Variants in MYOC observed in about 807,000 individuals in gnomAD.
MYOC encodes myocilin.
In MYOC, 29 loss-of-function variants were observed where a neutral mutation model predicts 28.2. That is an observed-to-expected ratio of 1.03 (90% CI 0.77 to 1.40). The LOEUF (loss-of-function observed/expected upper bound fraction) is 1.40. Among genes scored for constraint, MYOC ranks in the 40% most tolerant of loss-of-function variants. The pLI is 0.00. For missense variants in MYOC, 569 were observed against 620.6 expected, an observed-to-expected ratio of 0.92 and a Z score of 0.88; for synonymous variants, 240 against 245.6, an observed-to-expected ratio of 0.98 and a Z score of 0.21.
chr1:171,643,092 AG>A (rs1653116300), intron 1 of MYOC, among the ~76,000 whole-genome samples: 1 of 152,122 alleles, frequency 6.6e-6, no homozygotes, highest in African/African-American at 2.4e-5. Context: ...GAGGTTGTGC[AG>A]GGGTGAGGAA....
intron 1 of MYOC, among the ~76,000 whole-genome samples, chr1:171,645,851 T>TGAATCCCACCA (rs1402735164): frequency 6.6e-6 from 1 of 152,256 alleles, no homozygotes; most frequent in African/African-American, 2.4e-5. Flanking sequence ...AGTTCCCTGC[T>TGAATCCCACCA]GAATCCCACC....
At position 171,636,407 on chromosome 1, in the gene MYOC, T is replaced by C; in HGVS notation, c.1033A>G (p.Ile345Val). 6.2e-7 allele frequency: 1 copy of C among 1,614,172 alleles called. No homozygotes were observed. Among genetic ancestry groups the C allele is most frequent in the Non-Finnish European group, 8.5e-7 (1 of 1,180,014 alleles). ...GTCTCGGTATTCAGCTCATATCTTA[T>C]GACAGTTCTGGACTCAGCGCCCTGG... ...YFQGAESRTV[I>V]RYELNTETVK... is the part of the protein sequence containing the mutation. Residue 345 changes from isoleucine (I) to valine (V), a missense_variant, in exon 3 of 3, where the codon ATA becomes GTA. Transcript: ENST00000037502.
chr1:171,643,276 C>T (rs1045787758), intron 1 of MYOC: 2 of 152,320 alleles, frequency 1.3e-5, no homozygotes, highest in Non-Finnish European at 2.9e-5. Flanking sequence ...TTGGTGCTGC[C>T]TATGGGGGAG....
chr1:171,651,798 C>T (rs180688026), intron 1 of MYOC, among the ~76,000 whole-genome samples: 44 of 152,320 alleles, frequency 2.9e-4, no homozygotes, highest in African/African-American at 9.6e-4. Context: ...CACAAGAACT[C>T]TGAACCACTA....
At chr1:171,651,755 T>A (rs1653359305) in intron 1 of MYOC, among the ~76,000 whole-genome samples, 1 of 152,214 alleles carries the variant, frequency 6.6e-6, no homozygotes, top group South Asian at 2.1e-4. Flanking sequence ...ATTTCTCCTT[T>A]TGCTATGGAC....
chr1:171,651,330 A>G, intron 1 of MYOC, among the ~76,000 whole-genome samples: 1 of 135,806 alleles, frequency 7.4e-6, no homozygotes, highest in East Asian at 2.5e-4. Context: ...CTCCCCCAAC[A>G]CCTCACCCCC....
chr1:171,639,543 G>A (rs1000051182), intron 1 of MYOC, among the ~76,000 whole-genome samples: 1 of 151,040 alleles, frequency 6.6e-6, no homozygotes, highest in South Asian at 2.1e-4. Flanking sequence ...TACTTGGGAG[G>A]CTGATGTGGG....
intron 1 of MYOC, among the ~76,000 whole-genome samples, chr1:171,648,050 G>A (rs932492595): frequency 4.0e-5 from 6 of 151,702 alleles, no homozygotes; most frequent in East Asian, 1.9e-4. Context: ...TTAGCTGGGC[G>A]TGGTAGTGTG....
intron 1 of MYOC, among the ~76,000 whole-genome samples, chr1:171,639,083 A>G (rs1301110129): frequency 6.6e-6 from 1 of 152,170 alleles, no homozygotes; most frequent in African/African-American, 2.4e-5. Context: ...GCAACAAGAA[A>G]GAAACTCTGT....
At chr1:171,638,482 G>T in intron 2 of MYOC, 115 bp downstream of exon 2, 1 of 1,203,154 alleles carries the variant, frequency 8.3e-7, no homozygotes, top group Non-Finnish European at 1.2e-6. Context: ...TCTGCTCCCA[G>T]GGAAGTTAAT....
At chr1:171,644,751 C>T (rs1035718015) in intron 1 of MYOC, among the ~76,000 whole-genome samples, 1 of 152,176 alleles carries the variant, frequency 6.6e-6, no homozygotes, top group African/African-American at 2.4e-5. Flanking sequence ...TGAACTATCG[C>T]TACTACTTAT....
chr1:171,643,802 C>T (rs184906477), intron 1 of MYOC, among the ~76,000 whole-genome samples: 19,276 of 151,826 alleles, frequency 0.13, 1,276 homozygotes, highest in Middle Eastern at 0.27. Context: ...GAAACCCTGT[C>T]TCTACTAAAA....
At chr1:171,639,080 G>T (rs1367430311) in intron 1 of MYOC, among the ~76,000 whole-genome samples, 1 of 151,968 alleles carries the variant, frequency 6.6e-6, no homozygotes, top group African/African-American at 2.4e-5. Context: ...TGGGCAACAA[G>T]AAAGAAACTC....
chr1:171,636,416 T>A lies in MYOC; in HGVS notation c.1024A>T (p.Arg342Ter). 3 of 1,614,162 alleles carry A rather than the reference T, an allele frequency of 1.9e-6. No individual in the cohort carries two copies. Among genetic ancestry groups the A allele is most frequent in the Non-Finnish European group, 2.5e-6 (3 of 1,180,022 alleles). ...GSLYFQGAES[R>*]TVIRYELNTE... is the part of the protein sequence containing the mutation. ...TTCAGCTCATATCTTATGACAGTTC[T>A]GGACTCAGCGCCCTGGAAATAGAGG... Residue 342 changes from arginine to a stop codon, truncating the protein, a stop_gained, in exon 3 of 3, where the codon AGA becomes TGA. Transcript: ENST00000037502. LOFTEE classifies it low-confidence loss of function (END_TRUNC).
intron 1 of MYOC, among the ~76,000 whole-genome samples, chr1:171,642,545 G>C (rs888434775): frequency 4.6e-5 from 7 of 151,550 alleles, no homozygotes; most frequent in Non-Finnish European, 1.0e-4. Flanking sequence ...GTCCAAGAGG[G>C]CAAGGCTGCA....
Position 171,645,185 on chromosome 1 carries a change from T to C in MYOC, c.605-6463A>G, listed in dbSNP as rs540490900. On this transcript the variant is annotated intron_variant, in intron 1 of 2. Coordinates refer to ENST00000037502, the MANE Select transcript of MYOC (RefSeq NM_000261.2). ...ATAGGTGGTATGACTGTGAGGACAT[T>C]TGTTGGAGTCCTACCCCAGCCACGG... Among the ~76,000 whole-genome samples, 7 of 152,304 alleles carry C rather than the reference T, an allele frequency of 4.6e-5. No homozygotes were observed. The South Asian group carries it at 1.4e-3, about 32-fold the overall frequency.
At chr1:171,649,028 C>T (rs2102949905) in intron 1 of MYOC, among the ~76,000 whole-genome samples, 1 of 151,306 alleles carries the variant, frequency 6.6e-6, no homozygotes, top group South Asian at 2.1e-4. Context: ...ATTATATATA[C>T]ATAAAATTTA....
At chr1:171,646,936 G>T (rs187191607) in intron 1 of MYOC, among the ~76,000 whole-genome samples, 1 of 151,838 alleles carries the variant, frequency 6.6e-6, no homozygotes, top group African/African-American at 2.4e-5. Flanking sequence ...ACCTCAACCC[G>T]GAAACTGAAT....
At chr1:171,649,667 T>C (rs1052386975) in intron 1 of MYOC, among the ~76,000 whole-genome samples, 2 of 152,144 alleles carry the variant, frequency 1.3e-5, no homozygotes, top group South Asian at 2.1e-4. Flanking sequence ...TGGTGGCACA[T>C]GCCTATAATC....
Sources: gnomAD v4.1 joint callset for allele counts (sites outside exome capture counted in the v4.1 genomes callset) on GRCh38, gnomAD v4.1.1 for gene constraint, MANE v1.5 for transcripts, NCBI Gene and HGNC (gene_info 2026-07-23, HGNC 2026-07-21) for gene names.